Variants in MS4A4A observed in about 807,000 individuals in gnomAD.
MS4A4A encodes the protein membrane-spanning 4-domains subfamily A member 4A.
MS4A4A carries 26 observed loss-of-function variants against 28.0 expected under a neutral mutation model. The ratio of observed to expected loss-of-function variants is 0.93; its 90% CI spans 0.68 to 1.29. The LOEUF (loss-of-function observed/expected upper bound fraction) is 1.29, where lower values mean the gene tolerates loss of function less well. Ranked by LOEUF, MS4A4A falls within the 50% of genes most tolerant of loss-of-function variation. The probability of loss-of-function intolerance (pLI) is 0.00; values close to 1 mark genes in which losing one functional copy is unlikely to be tolerated. For missense variants in MS4A4A, 290 were observed against 293.1 expected (o/e 0.99, Z 0.08); for synonymous variants, 86 against 100.8 (o/e 0.85, Z 0.88).
intron 1 of MS4A4A, among the ~76,000 whole-genome samples, chr11:60,291,796 C>CAAAAAAAAAAAAAAAAAAA (rs60913455): frequency 7.5e-6 from 1 of 133,962 alleles, no homozygotes; most frequent in Non-Finnish European, 1.6e-5. Context: ...GACTCCATCT[C>CAAAAAAAAAAAAAAAAAAA]AAAAAAAAAA....
chr11:60,292,308 A>G lies in MS4A4A; in HGVS notation c.125A>G (p.Asn42Ser). 6.2e-7 allele frequency: 1 copy of G among 1,610,446 alleles called. No individual in the cohort carries two copies. Among genetic ancestry groups the G allele is most frequent in the Non-Finnish European group, 8.5e-7 (1 of 1,178,386 alleles). ...GAGPGVPQLG[N>S]MAVIHSHLWK... ...GGCCCTGGTGTGCCCCAGCTGGGAAACATGGCTGTCATACATTCACATCTG... is the reference window on the plus strand; with the variant it reads ...GGCCCTGGTGTGCCCCAGCTGGGAAGCATGGCTGTCATACATTCACATCTG... Residue 42 changes from asparagine to serine, a missense_variant, in exon 2 of 7, where the codon AAC becomes AGC. By Grantham distance (46) the Asn-to-Ser change is conservative (BLOSUM62 1). Coordinates refer to ENST00000337908, the MANE Select transcript of MS4A4A (RefSeq NM_148975.3).
intron 1 of MS4A4A, among the ~76,000 whole-genome samples, chr11:60,283,798 A>G (rs1385638537): frequency 4.6e-5 from 7 of 152,214 alleles, no homozygotes; most frequent in Non-Finnish European, 1.0e-4. Context: ...ATATGCTCCA[A>G]ATCTAAATTT....
intron 3 of MS4A4A, among the ~76,000 whole-genome samples, chr11:60,298,914 C>T (rs937184980): frequency 2.6e-5 from 4 of 152,142 alleles, no homozygotes; most frequent in African/African-American, 9.7e-5. Context: ...GAAGTGCCTC[C>T]TTTTTCTCTT....
intron 4 of MS4A4A, among the ~76,000 whole-genome samples, chr11:60,301,813 C>G (rs2084955413): frequency 6.6e-6 from 1 of 152,106 alleles, no homozygotes; most frequent in Admixed American, 6.5e-5. Flanking sequence ...GAGTTTCACT[C>G]TTATTACCCA....
rs1280403635 is a variant in MS4A4A at position 60,301,041 on chromosome 11, G to C, written c.371G>C (p.Arg124Thr). 3.8e-6 allele frequency: 6 copies of C among 1,599,882 alleles called. No individual in the cohort carries two copies. The highest frequency in any genetic ancestry group is 5.1e-6 in the Non-Finnish European group (6 of 1,175,428). The change falls in exon 4 of 7, where the codon AGA becomes ACA. Residue 124 changes from arginine to threonine, a missense_variant. Arg to Thr is a moderately conservative substitution (Grantham distance 71). Coordinates refer to ENST00000337908, the MANE Select transcript of MS4A4A (RefSeq NM_148975.3). ...TCCTTGTCAATTGCAGCAGGAATTAGAACTACAAAAGGCCTGGTGAGTAAT... is the reference window on the plus strand; with the variant it reads ...TCCTTGTCAATTGCAGCAGGAATTACAACTACAAAAGGCCTGGTGAGTAAT... ...SGSLSIAAGI[R>T]TTKGLVRGSL... is the part of the protein sequence containing the mutation.
intron 2 of MS4A4A, among the ~76,000 whole-genome samples, chr11:60,296,283 TC>T: frequency 6.6e-6 from 1 of 152,074 alleles, no homozygotes; most frequent in South Asian, 2.1e-4. Flanking sequence ...TATTTTATTA[TC>T]CTTTTAATTT....
chr11:60,300,633 A>G (rs2084945713), intron 3 of MS4A4A, among the ~76,000 whole-genome samples: 4 of 151,502 alleles, frequency 2.6e-5, no homozygotes, highest in Admixed American at 2.6e-4. Context: ...AAAAAAAAAA[A>G]AAAAAAAAAA....
At chr11:60,283,348 T>G (rs1231929054) in intron 1 of MS4A4A, among the ~76,000 whole-genome samples, 1 of 152,192 alleles carries the variant, frequency 6.6e-6, no homozygotes, top group East Asian at 1.9e-4. Context: ...ATTACAGGAT[T>G]GAGTCAAAAT....
At chr11:60,305,949 C>G in intron 5 of MS4A4A, 151 bp from the exon 6 acceptor site, 1 of 604,582 alleles carries the variant, frequency 1.7e-6, no homozygotes, top group Admixed American at 3.1e-5. Context: ...TTCAGCAGAT[C>G]AAGAATTGGT....
chr11:60,305,795 G>A, intron 5 of MS4A4A: 2 of 294,046 alleles, frequency 6.8e-6, no homozygotes, highest in Non-Finnish European at 6.3e-6. Flanking sequence ...GTACTCAATA[G>A]GATATGATGA....
chr11:60,288,273 C>A (rs1441152932), intron 1 of MS4A4A, among the ~76,000 whole-genome samples: 1 of 152,200 alleles, frequency 6.6e-6, no homozygotes, highest in East Asian at 1.9e-4. Context: ...GAGTTAACAC[C>A]ACATGGTTGC....
intron 1 of MS4A4A, among the ~76,000 whole-genome samples, chr11:60,282,983 T>A (rs2084768982): frequency 6.6e-6 from 1 of 152,172 alleles, no homozygotes. Flanking sequence ...AATAGAATAA[T>A]GGCTTGCCTT....
intron 1 of MS4A4A, among the ~76,000 whole-genome samples, chr11:60,281,530 C>T (rs1054042793): frequency 3.3e-5 from 5 of 152,156 alleles, no homozygotes; most frequent in African/African-American, 9.7e-5. Flanking sequence ...CTTCCCATGC[C>T]ACCACTTCTG....
At chr11:60,302,479 G>C in intron 4 of MS4A4A, 80 bp from the exon 5 acceptor site, 1 of 1,357,294 alleles carries the variant, frequency 7.4e-7, no homozygotes. Context: ...GTAAGAAAGA[G>C]ATGGTGGGTG....
At chr11:60,291,772 T>C (rs1204444715) in intron 1 of MS4A4A, among the ~76,000 whole-genome samples, 1 of 140,394 alleles carries the variant, frequency 7.1e-6, no homozygotes, top group African/African-American at 2.7e-5. Flanking sequence ...CATTGCAGCC[T>C]GGTGACAGCG....
At chr11:60,290,034 T>A (rs781308502) in intron 1 of MS4A4A, 1 of 429,466 alleles carries the variant, frequency 2.3e-6, no homozygotes, top group Non-Finnish European at 4.8e-6. Context: ...TCCTAATCTG[T>A]GGGACTTCTT....
chr11:60,292,680 G>T (rs990458726), intron 2 of MS4A4A, among the ~76,000 whole-genome samples: 1 of 152,168 alleles, frequency 6.6e-6, no homozygotes, highest in African/African-American at 2.4e-5. Context: ...GGCCACCTAT[G>T]CACTACTAGC....
intron 4 of MS4A4A, 103 bp downstream of exon 4, chr11:60,301,160 A>C: frequency 1.1e-6 from 1 of 948,542 alleles, no homozygotes; most frequent in Non-Finnish European, 1.5e-6. Context: ...TTTGTAAAAA[A>C]TCAGGAGCGA....
intron 2 of MS4A4A, among the ~76,000 whole-genome samples, chr11:60,295,046 G>A (rs1404176936): frequency 6.6e-6 from 1 of 151,756 alleles, no homozygotes; most frequent in African/African-American, 2.4e-5. Context: ...GGATTTTAAT[G>A]GAGATTGTAT....
Sources: gnomAD v4.1 joint callset for allele counts (sites outside exome capture counted in the v4.1 genomes callset) on GRCh38, gnomAD v4.1.1 for gene constraint, MANE v1.5 for transcripts, NCBI Gene and HGNC (gene_info 2026-07-23, HGNC 2026-07-21) for gene names.